The following ZNF717 variants were observed in gnomAD, a reference collection of about 807,000 sequenced individuals.
ZNF717 encodes krueppel-like factor X17.
Under a neutral mutation model 13.8 loss-of-function variants are expected in ZNF717, and 9 were observed. The observed-to-expected ratio is 0.65, with a 90% CI of 0.39 to 1.14. The LOEUF is 1.14. ZNF717 is among the 50% of genes most tolerant of loss of function. ZNF717 has a pLI of 0.01. For missense variants in ZNF717, 1,040 were observed against 1,080.7 expected (o/e 0.96, Z 0.53); for synonymous variants, 327 against 364.1 (o/e 0.90, Z 1.16).
chr3:75,758,291 C>A, intron 2 of ZNF717, among the ~76,000 whole-genome samples: 1 of 152,050 alleles, frequency 6.6e-6, no homozygotes, highest in East Asian at 1.9e-4. Flanking sequence ...ACTGCAGCAG[C>A]CTCGGGAGAA....
At chr3:75,733,586 G>A (rs1468514005), downstream of ZNF717, among the ~76,000 whole-genome samples, 2 of 141,968 alleles carry the variant, frequency 1.4e-5, no homozygotes, top group East Asian at 2.1e-4. Context: ...AGACCACTCT[G>A]GCTAACACGG....
chr3:75,756,477 T>A (rs1457485429), intron 2 of ZNF717, among the ~76,000 whole-genome samples: 7 of 152,336 alleles, frequency 4.6e-5, no homozygotes, highest in African/African-American at 1.7e-4. Context: ...TAGCTAGACC[T>A]CATGCAACAA....
intron 2 of ZNF717, among the ~76,000 whole-genome samples, chr3:75,744,178 T>C (rs1940847153): frequency 6.6e-6 from 1 of 152,264 alleles, no homozygotes; most frequent in Admixed American, 6.5e-5. Context: ...TTCGGAAGTC[T>C]ACTAATATAA....
At chr3:75,721,598 TATTTTA>T (rs1365529971) in intron 4 of ZNF717, among the ~76,000 whole-genome samples, 1 of 152,196 alleles carries the variant, frequency 6.6e-6, no homozygotes, top group Non-Finnish European at 1.5e-5. Flanking sequence ...ATTTAATTTT[TATTTTA>T]AAGAACAATC....
At chr3:75,767,874 TAA>T (rs879445860) in intron 2 of ZNF717, among the ~76,000 whole-genome samples, 1 of 97,984 alleles carries the variant, frequency 1.0e-5, no homozygotes, top group African/African-American at 3.9e-5. Context: ...AAGGCCAAAG[TAA>T]AAAAAAAAAG....
downstream of ZNF717, among the ~76,000 whole-genome samples, chr3:75,727,917 G>C (rs1272514828): frequency 2.6e-5 from 4 of 152,214 alleles, no homozygotes; most frequent in African/African-American, 9.7e-5. Context: ...CAGAGGCCAA[G>C]CTGTAAAATT....
At chr3:75,725,590 T>G (rs1938263069), downstream of ZNF717, among the ~76,000 whole-genome samples, 1 of 152,238 alleles carries the variant, frequency 6.6e-6, no homozygotes, top group Admixed American at 6.5e-5. Flanking sequence ...GGCTGGGTAA[T>G]TTATAAAGAA....
intron 4 of ZNF717, among the ~76,000 whole-genome samples, chr3:75,740,262 A>G (rs1940214236): frequency 6.6e-6 from 1 of 152,234 alleles, no homozygotes; most frequent in Non-Finnish European, 1.5e-5. Context: ...GGTAACTACA[A>G]ACTCCACTCT....
intron 2 of ZNF717, among the ~76,000 whole-genome samples, chr3:75,745,419 G>A (rs1432507470): frequency 6.6e-6 from 1 of 152,028 alleles, no homozygotes; most frequent in Non-Finnish European, 1.5e-5. Context: ...CATACATTGT[G>A]AAAAGGTCAA....
At chr3:75,779,573 A>T (rs1395460398) in intron 2 of ZNF717, among the ~76,000 whole-genome samples, 1 of 144,350 alleles carries the variant, frequency 6.9e-6, no homozygotes, top group Non-Finnish European at 1.6e-5. Flanking sequence ...AACGGGAGTG[A>T]CGTGCTAAAA....
intron 2 of ZNF717, among the ~76,000 whole-genome samples, chr3:75,743,695 T>A (rs1420081246): frequency 6.6e-6 from 1 of 152,214 alleles, no homozygotes; most frequent in Admixed American, 6.5e-5. Flanking sequence ...GAAGTAGTTC[T>A]TAAGAGGAAA....
At chr3:75,730,508 A>T in exon 6 of ZNF717, 1 of 619,808 alleles carries the variant, frequency 1.6e-6, no homozygotes, top group Non-Finnish European at 2.9e-6. Flanking sequence ...TGATGGCCAG[A>T]AGTGATACAG....
chr3:75,764,442 C>A (rs543456460), intron 2 of ZNF717, among the ~76,000 whole-genome samples: 109 of 152,294 alleles, frequency 7.2e-4, no homozygotes, highest in African/African-American at 2.1e-3. Flanking sequence ...ATAATCTATA[C>A]CATGCAGCAT....
chr3:75,695,083 C>CA (rs371891221), intron 6 of ZNF717, among the ~76,000 whole-genome samples: 1 of 152,176 alleles, frequency 6.6e-6, no homozygotes, highest in Non-Finnish European at 1.5e-5. Context: ...CTGTGACCTA[C>CA]AAAAAACATA....
intron 2 of ZNF717, among the ~76,000 whole-genome samples, chr3:75,770,646 A>C (rs1281168830): frequency 6.6e-6 from 1 of 152,242 alleles, no homozygotes; most frequent in East Asian, 1.9e-4. Context: ...TAAGCAAGAA[A>C]AGCCCAGAAG....
intron 2 of ZNF717, among the ~76,000 whole-genome samples, chr3:75,767,979 C>T (rs1218651391): frequency 2.0e-5 from 3 of 151,956 alleles, no homozygotes; most frequent in African/African-American, 7.3e-5. Flanking sequence ...AACCCAGGCA[C>T]TGAAGGAAAA....
At chr3:75,765,474 G>A (rs1045837711) in intron 2 of ZNF717, among the ~76,000 whole-genome samples, 2 of 152,228 alleles carry the variant, frequency 1.3e-5, no homozygotes, top group Non-Finnish European at 2.9e-5. Context: ...GCAATGGCAT[G>A]ATCACAGCTC....
intron 2 of ZNF717, among the ~76,000 whole-genome samples, chr3:75,775,276 T>G (rs1054827287): frequency 6.6e-6 from 1 of 152,262 alleles, no homozygotes; most frequent in African/African-American, 2.4e-5. Flanking sequence ...ATTATGGTTA[T>G]TAAGTTATTG....
At chr3:75,730,223 T>C (rs1259516799) in exon 6 of ZNF717, 1 of 164,296 alleles carries the variant, frequency 6.1e-6, no homozygotes, top group Non-Finnish European at 1.3e-5. Context: ...CATATTGGCA[T>C]TTTAACAGCC....
Sources: allele counts gnomAD v4.1 joint callset (sites outside exome capture counted in the v4.1 genomes callset), GRCh38; gene constraint gnomAD v4.1.1; transcripts MANE v1.5; gene names NCBI Gene and HGNC (gene_info 2026-07-23, HGNC 2026-07-21).